The following PHF2 variants were observed in gnomAD, a reference collection of about 807,000 sequenced individuals.
The protein encoded by PHF2 is PHD finger protein 2.
Under a neutral mutation model 120.5 loss-of-function variants are expected in PHF2, and 27 were observed. That is an observed-to-expected ratio of 0.22 (90% CI 0.17 to 0.31). The LOEUF (loss-of-function observed/expected upper bound fraction) is 0.31, where lower values mean the gene tolerates loss of function less well. Ranked by LOEUF, PHF2 falls within the 10% of genes least tolerant of loss-of-function variation. The probability of loss-of-function intolerance (pLI) is 1.00; values close to 1 mark genes in which losing one functional copy is unlikely to be tolerated. For missense variants in PHF2, 1,024 were observed against 1,434.8 expected, an observed-to-expected ratio of 0.71 and a Z score of 4.63; for synonymous variants, 568 against 592.5, an observed-to-expected ratio of 0.96 and a Z score of 0.60.
At chr9:93,620,696 A>G (rs769964822) in intron 1 of PHF2, among the ~76,000 whole-genome samples, 1 of 152,196 alleles carries the variant, frequency 6.6e-6, no homozygotes, top group Non-Finnish European at 1.5e-5. Context: ...GGATGCTGTA[A>G]CTGTTTTGGT....
chr9:93,635,895 C>G (rs538804264), intron 2 of PHF2, among the ~76,000 whole-genome samples: 1 of 152,088 alleles, frequency 6.6e-6, no homozygotes, highest in African/African-American at 2.4e-5. Context: ...GTGGCCAGCA[C>G]AGAGGAGTGG....
intron 3 of PHF2, among the ~76,000 whole-genome samples, chr9:93,643,889 G>T (rs1826210004): frequency 6.6e-6 from 1 of 151,716 alleles, no homozygotes. Context: ...GTCCATATTT[G>T]CCTCTTCCTG....
chr9:93,668,260 G>A (rs76672364), intron 17 of PHF2, among the ~76,000 whole-genome samples: 5,792 of 152,238 alleles, frequency 0.038, 359 homozygotes, highest in African/African-American at 0.13. Context: ...CTTGGCACTA[G>A]GTGGTTCCTG....
chr9:93,656,358 C>A lies in PHF2; in HGVS notation c.1041-131C>A, dbSNP rs1826459642. The A allele has an allele frequency of 1.4e-6, 1 of 692,836 alleles. No individual in the cohort carries two copies. The highest frequency in any genetic ancestry group is 2.5e-5 in the East Asian group (1 of 39,788). 42.9% of individuals were successfully genotyped at this position (692,836 alleles called of 1,614,324 possible). On this transcript the variant is annotated intron_variant, in intron 8 of 21. Coordinates refer to ENST00000359246, the MANE Select transcript of PHF2 (RefSeq NM_005392.4). This position sits in a 1 kb window ranked among gnomAD's most constrained non-coding sequence, Gnocchi z 4.1. ...GGTCTGCAGCCACCAGGGCAGTTTT[C>A]CCCTGGTCCTCCTCAGCTATGCAGG...
chr9:93,610,377 G>A (rs1167553028), intron 1 of PHF2, among the ~76,000 whole-genome samples: 9 of 152,076 alleles, frequency 5.9e-5, no homozygotes, highest in South Asian at 4.1e-4. Context: ...GGCTGGGTCC[G>A]GTCTATTGAT....
chr9:93,608,314 C>T (rs1348467681), intron 1 of PHF2, among the ~76,000 whole-genome samples: 9 of 129,360 alleles, frequency 7.0e-5, no homozygotes, highest in Non-Finnish European at 1.3e-4. Flanking sequence ...TAGATTGAGA[C>T]ACTGTCTCAT....
At chr9:93,645,020 G>A (rs1261204009) in intron 3 of PHF2, among the ~76,000 whole-genome samples, 1 of 152,050 alleles carries the variant, frequency 6.6e-6, no homozygotes, top group African/African-American at 2.4e-5. Context: ...CCTCCTCCTG[G>A]CCCTGCCCCT....
chr9:93,618,106 T>G (rs1207422649), intron 1 of PHF2, among the ~76,000 whole-genome samples: 1 of 152,256 alleles, frequency 6.6e-6, no homozygotes, highest in East Asian at 1.9e-4. Context: ...TTATTGGGCT[T>G]TGGGCACTAA....
intron 1 of PHF2, among the ~76,000 whole-genome samples, chr9:93,594,533 A>T (rs780219629): frequency 3.3e-5 from 5 of 152,128 alleles, no homozygotes; most frequent in Non-Finnish European, 5.9e-5. Context: ...CCAAGGGTCT[A>T]CTGCAAGTGG....
At chr9:93,604,356 A>G (rs1825499544) in intron 1 of PHF2, among the ~76,000 whole-genome samples, 1 of 147,036 alleles carries the variant, frequency 6.8e-6, no homozygotes, top group African/African-American at 2.5e-5. Context: ...TTTTTTTGAG[A>G]CGGAGAGCAA....
At chr9:93,601,055 G>T (rs1408588090) in intron 1 of PHF2, among the ~76,000 whole-genome samples, 1 of 152,188 alleles carries the variant, frequency 6.6e-6, no homozygotes, top group Non-Finnish European at 1.5e-5. Context: ...TGGTGTAAGG[G>T]TTTCCTTCTG....
intron 1 of PHF2, among the ~76,000 whole-genome samples, chr9:93,580,608 A>T (rs7023212): frequency 2.6e-5 from 4 of 151,980 alleles, no homozygotes; most frequent in Non-Finnish European, 5.9e-5. Flanking sequence ...CATCCTTAAC[A>T]TGTAGCTTTC....
chr9:93,605,400 G>A (rs1194379498), intron 1 of PHF2, among the ~76,000 whole-genome samples: 4 of 152,118 alleles, frequency 2.6e-5, no homozygotes, highest in African/African-American at 9.7e-5. Context: ...GGTTTTGACT[G>A]TAAAGTCAAA....
At chr9:93,615,982 AT>A (rs1175985270) in intron 1 of PHF2, among the ~76,000 whole-genome samples, 2 of 152,208 alleles carry the variant, frequency 1.3e-5, no homozygotes, top group Non-Finnish European at 2.9e-5. Flanking sequence ...ATACATGCTC[AT>A]TTTCTGTGAT....
At chr9:93,638,441 CTTAT>C (rs1278456668) in intron 3 of PHF2, among the ~76,000 whole-genome samples, 10 of 152,052 alleles carry the variant, frequency 6.6e-5, no homozygotes, top group African/African-American at 2.4e-4. Flanking sequence ...ACATTTTGAG[CTTAT>C]TTTTGTATAT....
intron 1 of PHF2, among the ~76,000 whole-genome samples, chr9:93,620,105 T>A (rs1422106568): frequency 6.6e-6 from 1 of 152,182 alleles, no homozygotes; most frequent in Non-Finnish European, 1.5e-5. Flanking sequence ...CTGCTCTTTC[T>A]GCAGATGTGG....
At chr9:93,650,299 C>T (rs986818619) in intron 5 of PHF2, among the ~76,000 whole-genome samples, 4 of 152,120 alleles carry the variant, frequency 2.6e-5, no homozygotes, top group Admixed American at 2.0e-4. Context: ...TCAAACACAA[C>T]AATAGACTCA....
chr9:93,620,146 A>G (rs1448680643), intron 1 of PHF2, among the ~76,000 whole-genome samples: 1 of 152,206 alleles, frequency 6.6e-6, no homozygotes, highest in African/African-American at 2.4e-5. Flanking sequence ...TGCAGGGCCC[A>G]GCCTGGGAGT....
At chr9:93,615,151 G>C (rs566410578) in intron 1 of PHF2, among the ~76,000 whole-genome samples, 3 of 145,718 alleles carry the variant, frequency 2.1e-5, no homozygotes, top group Non-Finnish European at 4.6e-5. Flanking sequence ...GATAGTAATG[G>C]TGATGATGAT....
Sources: allele counts gnomAD v4.1 joint callset (sites outside exome capture counted in the v4.1 genomes callset), GRCh38; gene constraint gnomAD v4.1.1; non-coding constraint Gnocchi (gnomAD v3.1); transcripts MANE v1.5; gene names NCBI Gene and HGNC (gene_info 2026-07-23, HGNC 2026-07-21).